Variants in CACNA1E observed in about 807,000 individuals in gnomAD.
CACNA1E encodes the protein calcium voltage-gated channel subunit alpha1 E.
A neutral mutation model predicts 259.2 loss-of-function variants in CACNA1E; 40 were observed. The ratio of observed to expected loss-of-function variants is 0.15; its 90% CI spans 0.12 to 0.20. The LOEUF (loss-of-function observed/expected upper bound fraction) is 0.20, where lower values mean the gene tolerates loss of function less well. Among genes scored for constraint, CACNA1E ranks in the 10% least tolerant of loss-of-function variants. The probability of loss-of-function intolerance (pLI) is 1.00; values close to 1 mark genes in which losing one functional copy is unlikely to be tolerated. For missense variants in CACNA1E, 1,874 were observed against 3,040.1 expected (o/e 0.62, Z 9.02); for synonymous variants, 1,104 against 1,138.5 (o/e 0.97, Z 0.61).
chr1:181,551,689 G>A (rs75963205), intron 3 of CACNA1E, among the ~76,000 whole-genome samples: 197 of 152,242 alleles, frequency 1.3e-3, no homozygotes, highest in African/African-American at 4.5e-3. Context: ...GAAGGCCAGA[G>A]GCCCTTCAGA....
At chr1:181,590,167 C>T (rs1040225422) in intron 6 of CACNA1E, among the ~76,000 whole-genome samples, 2 of 151,984 alleles carry the variant, frequency 1.3e-5, no homozygotes, top group South Asian at 4.1e-4. Flanking sequence ...GACATGTGTG[C>T]CCTCAATTAC....
intron 1 of CACNA1E, among the ~76,000 whole-genome samples, chr1:181,345,804 T>G (rs1652546604): frequency 6.6e-6 from 1 of 152,208 alleles, no homozygotes; most frequent in African/African-American, 2.4e-5. Context: ...AGCTCTACCT[T>G]CTGGCCAAGG....
chr1:181,704,797 A>G (rs1339125695), intron 7 of CACNA1E, among the ~76,000 whole-genome samples: 2 of 152,118 alleles, frequency 1.3e-5, no homozygotes, highest in Non-Finnish European at 2.9e-5. Context: ...CCCTGCATGG[A>G]GCCGGGAGGA....
At chr1:181,419,924 C>T (rs1658598081) in intron 2 of CACNA1E, among the ~76,000 whole-genome samples, 1 of 152,228 alleles carries the variant, frequency 6.6e-6, no homozygotes, top group Non-Finnish European at 1.5e-5. Flanking sequence ...TTCCTCCCTT[C>T]TGTCTCCTGC....
chr1:181,526,947 A>G (rs1667405997), intron 3 of CACNA1E, among the ~76,000 whole-genome samples: 2 of 152,252 alleles, frequency 1.3e-5, no homozygotes, highest in Admixed American at 1.3e-4. Context: ...AGGGAAGCAT[A>G]TAATGAACAA....
intron 3 of CACNA1E, among the ~76,000 whole-genome samples, chr1:181,573,727 A>G (rs945663665): frequency 2.0e-5 from 3 of 152,264 alleles, no homozygotes; most frequent in Non-Finnish European, 2.9e-5. Context: ...GTGATTCCTC[A>G]AGGACCTAGA....
intron 16 of CACNA1E, among the ~76,000 whole-genome samples, chr1:181,723,476 T>C (rs1436747158): frequency 1.3e-5 from 2 of 152,156 alleles, no homozygotes; most frequent in Admixed American, 6.5e-5. Context: ...ACCAAATGCG[T>C]GGGTTTTTTT....
chr1:181,650,476 C>T (rs890248581), intron 6 of CACNA1E, among the ~76,000 whole-genome samples: 8 of 152,096 alleles, frequency 5.3e-5, no homozygotes, highest in African/African-American at 1.7e-4. Flanking sequence ...GGAAAGACTT[C>T]GAGGTGCTGT....
intron 38 of CACNA1E, 110 bp from the exon 39 acceptor site, chr1:181,781,317 T>C: frequency 1.5e-6 from 1 of 667,140 alleles, no homozygotes; most frequent in African/African-American, 1.8e-5. Flanking sequence ...GGAATGCCTA[T>C]TCTCCTCTCC....
At chr1:181,613,584 C>T (rs879332711) in intron 6 of CACNA1E, among the ~76,000 whole-genome samples, 7 of 152,120 alleles carry the variant, frequency 4.6e-5, no homozygotes, top group Non-Finnish European at 8.8e-5. Context: ...TATTGTACAA[C>T]CAAAAGACTG....
chr1:181,579,501 T>TGA (rs1158829548), intron 5 of CACNA1E, among the ~76,000 whole-genome samples: 1 of 152,154 alleles, frequency 6.6e-6, no homozygotes, highest in Non-Finnish European at 1.5e-5. Context: ...GGAATGAACT[T>TGA]GAAAAGCCAT....
intron 6 of CACNA1E, among the ~76,000 whole-genome samples, chr1:181,605,165 T>G (rs1369210042): frequency 6.6e-6 from 1 of 152,098 alleles, no homozygotes; most frequent in Non-Finnish European, 1.5e-5. Context: ...TAGGAGGCAA[T>G]TTCGGAGGAA....
chr1:181,689,122 C>T (rs920701166), intron 7 of CACNA1E, among the ~76,000 whole-genome samples: 5 of 151,760 alleles, frequency 3.3e-5, no homozygotes, highest in Admixed American at 2.6e-4. Flanking sequence ...TGCTATCCCT[C>T]CCCTACCCGC....
rs1041842237 is a variant in CACNA1E, at chr1:181,647,192, C to CT, written c.952-4145dup. Among the ~76,000 whole-genome samples, 19 of 152,280 alleles carry CT rather than the reference C, an allele frequency of 1.2e-4. No homozygotes were observed. In the East Asian group the frequency reaches 2.9e-3, roughly 23 times the overall value. ...GCATGAGTGGTGTGGGATGGAGGGG[C>CT]TGGCGTCTTCTGGGCAGCATTCTTT... is the stretch of plus-strand genomic sequence containing the variant. On this transcript the variant is annotated intron_variant, in intron 6 of 47. Transcript: ENST00000367573.
At chr1:181,538,521 A>T (rs1668340209) in intron 3 of CACNA1E, among the ~76,000 whole-genome samples, 1 of 152,188 alleles carries the variant, frequency 6.6e-6, no homozygotes, top group African/African-American at 2.4e-5. Flanking sequence ...TGTATATGTA[A>T]ATTGGAATGC....
intron 29 of CACNA1E, 37 bp from the exon 30 acceptor site, chr1:181,756,888 C>A: frequency 2.2e-6 from 3 of 1,360,652 alleles, no homozygotes; most frequent in South Asian, 2.3e-5. Flanking sequence ...CCAAGACTGT[C>A]ATCCACCATC....
chr1:181,697,439 A>G (rs763868549), intron 7 of CACNA1E, among the ~76,000 whole-genome samples: 4 of 152,216 alleles, frequency 2.6e-5, no homozygotes, highest in Non-Finnish European at 4.4e-5. Flanking sequence ...AGTGCTTACA[A>G]ACTTCAGCAG....
chr1:181,476,192 G>A (rs1662837620), intron 2 of CACNA1E, among the ~76,000 whole-genome samples: 1 of 152,162 alleles, frequency 6.6e-6, no homozygotes, highest in South Asian at 2.1e-4. Flanking sequence ...TTTCTGTGGA[G>A]TGGAAGGGGC....
At chr1:181,606,647 T>C (rs78297457) in intron 6 of CACNA1E, among the ~76,000 whole-genome samples, 4,467 of 152,336 alleles carry the variant, frequency 0.029, 98 homozygotes, top group Non-Finnish European at 0.048. Context: ...TATAAAACCC[T>C]TTACTGGATT....
Sources: allele counts gnomAD v4.1 joint callset (sites outside exome capture counted in the v4.1 genomes callset), GRCh38; gene constraint gnomAD v4.1.1; transcripts MANE v1.5; gene names NCBI Gene and HGNC (gene_info 2026-07-23, HGNC 2026-07-21).